The following KCNMA1 variants were observed in gnomAD, a reference collection of about 807,000 sequenced individuals.
KCNMA1 encodes the protein Calcium-activated potassium channel subunit alpha-1.
Under a neutral mutation model 140.0 loss-of-function variants are expected in KCNMA1, and 29 were observed. The ratio of observed to expected loss-of-function variants is 0.21; its 90% CI spans 0.15 to 0.28. The LOEUF (loss-of-function observed/expected upper bound fraction) is 0.28, where lower values mean the gene tolerates loss of function less well. Among genes scored for constraint, KCNMA1 ranks in the 10% least tolerant of loss-of-function variants. The pLI is 1.00. For missense variants in KCNMA1, 880 were observed against 1,602.2 expected, an observed-to-expected ratio of 0.55 and a Z score of 7.70; for synonymous variants, 612 against 611.9, an observed-to-expected ratio of 1.00 and a Z score of 0.00.
At chr10:77,488,359 C>T (rs189828133) in intron 1 of KCNMA1, among the ~76,000 whole-genome samples, 5 of 152,272 alleles carry the variant, frequency 3.3e-5, no homozygotes, top group East Asian at 3.9e-4. Context: ...GATTGGGAGG[C>T]GGAGGGAATG....
chr10:77,324,141 G>A (rs905154790), intron 2 of KCNMA1, among the ~76,000 whole-genome samples: 2 of 152,146 alleles, frequency 1.3e-5, no homozygotes, highest in Non-Finnish European at 2.9e-5. Flanking sequence ...TGGGCTACTG[G>A]AGTAGATGGA....
chr10:77,267,816 A>G (rs1259286874), intron 2 of KCNMA1, among the ~76,000 whole-genome samples: 2 of 152,238 alleles, frequency 1.3e-5, no homozygotes, highest in Non-Finnish European at 2.9e-5. Flanking sequence ...TGGCTGCTGC[A>G]TGTGGCACTG....
intron 1 of KCNMA1, among the ~76,000 whole-genome samples, chr10:77,503,992 G>A (rs2044856551): frequency 6.6e-6 from 1 of 152,074 alleles, no homozygotes; most frequent in Admixed American, 6.5e-5. Flanking sequence ...AGTGAAGAGG[G>A]GGTCCAATGG....
intron 1 of KCNMA1, among the ~76,000 whole-genome samples, chr10:77,598,924 T>C (rs1002726328): frequency 4.0e-5 from 6 of 151,838 alleles, no homozygotes; most frequent in African/African-American, 1.2e-4. Context: ...ACAAGACAAA[T>C]GGTGGAGAAA....
Position 77,282,396 on chromosome 10 carries a change from C to G in KCNMA1, c.541-31140G>C, listed in dbSNP as rs138778239. On this transcript the variant is annotated intron_variant, in intron 2 of 27. Coordinates refer to ENST00000286628, the MANE Select transcript of KCNMA1 (RefSeq NM_001161352.2). ...ATCTGCAACATTCTCTCCCATTCTC[C>G]TCCCACCAGTCTTCTTTCATCATGG... Among the ~76,000 whole-genome samples, 241 of 152,302 alleles carry G rather than the reference C, an allele frequency of 1.6e-3. No individual in the cohort carries two copies. The Middle Eastern group carries it at 0.024, about 15-fold the overall frequency.
chr10:76,931,417 C>T (rs1245680428), intron 23 of KCNMA1, among the ~76,000 whole-genome samples: 3 of 151,168 alleles, frequency 2.0e-5, no homozygotes, highest in Admixed American at 2.0e-4. Flanking sequence ...AGAGAAGATT[C>T]ATTATTAGCT....
chr10:77,067,416 T>C (rs72805517), intron 14 of KCNMA1, among the ~76,000 whole-genome samples: 9,001 of 152,280 alleles, frequency 0.059, 376 homozygotes, highest in Non-Finnish European at 0.091. Flanking sequence ...CTCCAGTTTA[T>C]AGAGCTTGGG....
intron 2 of KCNMA1, among the ~76,000 whole-genome samples, chr10:77,253,257 G>T (rs144369116): frequency 9.8e-4 from 149 of 152,294 alleles, no homozygotes; most frequent in Non-Finnish European, 1.7e-3. Flanking sequence ...GCTGATTTAA[G>T]ACTAATCCCT....
At position 76,954,157 on chromosome 10, in the gene KCNMA1, G is replaced by A. The variant is rs569327570; in HGVS notation, c.2361-233C>T. Among the ~76,000 whole-genome samples, 14 of 152,032 alleles carry A rather than the reference G, an allele frequency of 9.2e-5. No individual in the cohort carries two copies. The South Asian group carries it at 2.3e-3, about 25-fold the overall frequency. On this transcript the variant is annotated intron_variant, in intron 20 of 27. Transcript: ENST00000286628. ...CAGGGAGCATTTCTGCCTTTCCCCC[G>A]CTCCTCTTTTCCTAAATGGTCTTCC...
chr10:77,382,607 G>GT (rs2095428880), intron 2 of KCNMA1, among the ~76,000 whole-genome samples: 1 of 152,030 alleles, frequency 6.6e-6, no homozygotes, highest in Non-Finnish European at 1.5e-5. Context: ...GCTCATACCT[G>GT]TAATCCCAGC....
At chr10:77,270,576 C>T (rs7912313) in intron 2 of KCNMA1, among the ~76,000 whole-genome samples, 10,262 of 149,272 alleles carry the variant, frequency 0.069, 1,165 homozygotes, top group African/African-American at 0.24. Flanking sequence ...GGCTAGAGTG[C>T]GGTAGTGCAA....
intron 14 of KCNMA1, among the ~76,000 whole-genome samples, chr10:77,046,960 T>C (rs1051868350): frequency 1.3e-5 from 2 of 152,190 alleles, no homozygotes; most frequent in African/African-American, 4.8e-5. Context: ...AGAATGTATT[T>C]CTTCTCTGTG....
At chr10:77,394,414 C>A (rs1238944063) in intron 2 of KCNMA1, among the ~76,000 whole-genome samples, 1 of 152,194 alleles carries the variant, frequency 6.6e-6, no homozygotes. Flanking sequence ...AGCTGAGGTG[C>A]CTGGCCTGCA....
rs191458030 is a variant in KCNMA1 at position 77,105,688 on chromosome 10, G to A, written c.1223+2793C>T. 6.6e-5 allele frequency among the ~76,000 whole-genome samples: 10 copies of A among 152,308 alleles called. No individual in the cohort carries two copies. The East Asian group carries it at 1.9e-3, about 29-fold the overall frequency. ...ACAAAAACTCAGAGCACAGCACACT[G>A]TTTTAAGAGTCTGAACTTTATCTTT... is the stretch of plus-strand genomic sequence containing the variant. On this transcript the variant is annotated intron_variant, in intron 9 of 27. Coordinates refer to ENST00000286628, the MANE Select transcript of KCNMA1 (RefSeq NM_001161352.2).
At chr10:76,930,052 C>G (rs1187129190) in intron 23 of KCNMA1, 1 of 152,162 alleles carries the variant, frequency 6.6e-6, no homozygotes, top group Non-Finnish European at 1.5e-5. Context: ...GGGAAAAGCT[C>G]TTTGACATTG....
intron 2 of KCNMA1, among the ~76,000 whole-genome samples, chr10:77,274,836 A>G (rs1476836326): frequency 6.6e-6 from 1 of 152,158 alleles, no homozygotes; most frequent in Non-Finnish European, 1.5e-5. Flanking sequence ...TTTTCTTTCT[A>G]TTGGATGGTA....
chr10:76,921,517 C>A (rs1214144999), intron 23 of KCNMA1, among the ~76,000 whole-genome samples: 5 of 152,142 alleles, frequency 3.3e-5, no homozygotes, highest in African/African-American at 4.8e-5. Flanking sequence ...CCCATTGCTG[C>A]TTATGGGAAA....
intron 2 of KCNMA1, among the ~76,000 whole-genome samples, chr10:77,275,613 C>T (rs980026986): frequency 1.3e-5 from 2 of 152,194 alleles, no homozygotes; most frequent in Non-Finnish European, 2.9e-5. Flanking sequence ...AATTGTTGCT[C>T]CCCTAGTGAG....
chr10:76,984,465 C>T (rs1236516015), intron 19 of KCNMA1, among the ~76,000 whole-genome samples: 1 of 152,148 alleles, frequency 6.6e-6, no homozygotes, highest in Non-Finnish European at 1.5e-5. Context: ...TCTGGGGTTA[C>T]AGACGTGAGC....
Sources: gnomAD v4.1 joint callset for allele counts (sites outside exome capture counted in the v4.1 genomes callset) on GRCh38, gnomAD v4.1.1 for gene constraint, MANE v1.5 for transcripts, NCBI Gene and HGNC (gene_info 2026-07-23, HGNC 2026-07-21) for gene names.